ANKRD28: variants seen among roughly 807,000 people sequenced by gnomAD.
ANKRD28 encodes the protein serine/threonine-protein phosphatase 6 regulatory ankyrin repeat subunit A.
ANKRD28 carries 44 observed loss-of-function variants against 126.5 expected under a neutral mutation model. That is an observed-to-expected ratio of 0.35 (90% CI 0.27 to 0.45). ANKRD28 has a LOEUF of 0.45. Among genes scored for constraint, ANKRD28 ranks in the 20% least tolerant of loss-of-function variants. ANKRD28 has a pLI of 1.00. For synonymous variants in ANKRD28, 442 were observed against 468.5 expected, an observed-to-expected ratio of 0.94 and a Z score of 0.73; for missense variants, 1,110 against 1,316.6, an observed-to-expected ratio of 0.84 and a Z score of 2.43.
chr3:15,843,006 G>A lies in ANKRD28; in HGVS notation c.27+16371C>T, dbSNP rs917574815. 4.6e-5 allele frequency among the ~76,000 whole-genome samples: 7 copies of A among 152,114 alleles called. No homozygotes were observed. Among genetic ancestry groups the A allele is most frequent in the Admixed American group, 4.6e-4 (7 of 15,270 alleles). ...TTATCTGGTATATTAGACTGTTCTC[G>A]CCTTGCTATAAAGAAATATCCAAGA... is the stretch of plus-strand genomic sequence containing the variant. On this transcript the variant is annotated intron_variant, in intron 1 of 27. Transcript: ENST00000399451. This position sits in a 1 kb window ranked among gnomAD's most constrained non-coding sequence, Gnocchi z 5.2.
chr3:15,668,370 A>G lies in ANKRD28; in HGVS notation c.*1900T>C, dbSNP rs2066088233. The G allele has an allele frequency of 6.6e-6, 1 of 151,392 alleles. No homozygotes were observed. Among genetic ancestry groups the G allele is most frequent in the Non-Finnish European group, 1.5e-5 (1 of 67,840 alleles). The allele number at this position is 151,392 out of a possible 1,614,324, so 9.4% of individuals were successfully genotyped here. ...AATCTGCTTGATTTTTTTTTTTTTC[A>G]AAAGGTACAATAGAAAATGTAGTCC... is the stretch of plus-strand genomic sequence containing the variant. On this transcript the variant is annotated 3_prime_UTR_variant, in exon 28 of 28. Coordinates refer to ENST00000683139, the MANE Select transcript of ANKRD28 (RefSeq NM_001349278.2).
intron 1 of ANKRD28, among the ~76,000 whole-genome samples, chr3:15,808,500 C>T (rs2060637671): frequency 6.6e-6 from 1 of 152,186 alleles, no homozygotes; most frequent in Non-Finnish European, 1.5e-5. Context: ...TCTCTATGAT[C>T]TTTCATTTAT....
At chr3:15,753,765 A>G (rs1156492636) in intron 3 of ANKRD28, among the ~76,000 whole-genome samples, 1 of 152,126 alleles carries the variant, frequency 6.6e-6, no homozygotes, top group Non-Finnish European at 1.5e-5. Flanking sequence ...CAACATGGTG[A>G]AACCCTGCCT....
At chr3:15,779,821 C>T (rs1046365985) in intron 2 of ANKRD28, among the ~76,000 whole-genome samples, 1 of 152,150 alleles carries the variant, frequency 6.6e-6, no homozygotes, top group East Asian at 1.9e-4. Flanking sequence ...GCATCCTATT[C>T]TAAGTACTGA....
At chr3:15,823,751 AG>A (rs1398032078) in intron 1 of ANKRD28, among the ~76,000 whole-genome samples, 1 of 152,248 alleles carries the variant, frequency 6.6e-6, no homozygotes, top group Non-Finnish European at 1.5e-5. Flanking sequence ...CAGGAATGTA[AG>A]GGTGGTTGTA....
At chr3:15,671,215 A>G (rs922587584) in intron 27 of ANKRD28, among the ~76,000 whole-genome samples, 1 of 152,166 alleles carries the variant, frequency 6.6e-6, no homozygotes, top group Non-Finnish European at 1.5e-5. Flanking sequence ...CCTTTTTTTA[A>G]GCGGAAGACA....
intron 7 of ANKRD28, among the ~76,000 whole-genome samples, chr3:15,723,158 C>T (rs1274963432): frequency 6.6e-6 from 1 of 152,196 alleles, no homozygotes; most frequent in East Asian, 1.9e-4. Context: ...GATATTATTT[C>T]ACTCTGCTGA....
intron 14 of ANKRD28, among the ~76,000 whole-genome samples, chr3:15,702,536 G>A (rs184324796): frequency 1.1e-3 from 167 of 152,256 alleles, no homozygotes; most frequent in African/African-American, 3.9e-3. Flanking sequence ...TTTCCTCAAT[G>A]TTAGGCAAAT....
In ANKRD28 at chr3:15,817,395, C is replaced by T. The variant is rs190539371; in HGVS notation, c.28-22089G>A. On this transcript the variant is annotated intron_variant, in intron 1 of 27. Transcript: ENST00000399451. This position sits in a 1 kb window ranked among gnomAD's most constrained non-coding sequence, Gnocchi z 4.5. The stretch of plus-strand genomic sequence containing the variant: ...TCACAACATTAAGTTCCTAGAGCTA[C>T]CGGTAGGCACCATTTCTTATTGCTC... 2.6e-5 allele frequency among the ~76,000 whole-genome samples: 4 copies of T among 152,232 alleles called. No individual in the cohort carries two copies.
chr3:15,676,241 C>A (rs979992155), intron 26 of ANKRD28: 2 of 371,738 alleles, frequency 5.4e-6, no homozygotes, highest in African/African-American at 4.2e-5. Flanking sequence ...CCTACCTTCA[C>A]CCAATCCTTT....
chr3:15,734,191 G>T (rs372572858), intron 6 of ANKRD28, among the ~76,000 whole-genome samples: 149 of 152,332 alleles, frequency 9.8e-4, no homozygotes, highest in African/African-American at 3.5e-3. Flanking sequence ...AAGGATTTGG[G>T]TATAAGCAGG....
intron 17 of ANKRD28, among the ~76,000 whole-genome samples, chr3:15,691,259 G>A (rs1472077280): frequency 6.6e-6 from 1 of 152,112 alleles, no homozygotes; most frequent in Non-Finnish European, 1.5e-5. Context: ...GAGTAGCTGG[G>A]ATTACAGGCG....
chr3:15,796,992 C>T lies in ANKRD28; in HGVS notation c.-471G>A. The T allele has an allele frequency of 9.1e-6, 9 of 985,272 alleles. No individual in the cohort carries two copies. The highest frequency in any genetic ancestry group is 1.1e-5 in the Non-Finnish European group (9 of 829,892). The allele number at this position is 985,272 out of a possible 1,614,324, so 61.0% of individuals were successfully genotyped here. On this transcript the variant is annotated 5_prime_UTR_variant, in exon 1 of 28. It removes an upstream start codon present in the reference 5' UTR. Transcript: ENST00000683139. Reference sequence around the variant, plus strand: ...CGATACCCACTCTTGCCTGCAAGGTCATATAGTTACCAGTAGCTGTTTTGC... The same window carrying T: ...CGATACCCACTCTTGCCTGCAAGGTTATATAGTTACCAGTAGCTGTTTTGC...
At position 15,685,263 on chromosome 3, in the gene ANKRD28, A is replaced by G. The variant is rs2067979248; in HGVS notation, c.2352T>C (p.Asn784=). Residue 784 remains asparagine (N), a synonymous_variant, in exon 21 of 28, where the codon AAT becomes AAC. Transcript: ENST00000683139. ...CCCAGTGAAGTGCCGTATATCCATG[A>G]TTGTCTGCTGTGGCTGGATTTGCAT... The part of the protein sequence containing the change: ...SMDANPATAD[N]HGYTALHWAC... 3 of 1,613,896 alleles carry G rather than the reference A, an allele frequency of 1.9e-6. No homozygotes were observed. In the East Asian group the frequency reaches 6.7e-5, roughly 36 times the overall value.
chr3:15,763,024 C>T (rs1247672489), intron 3 of ANKRD28, among the ~76,000 whole-genome samples: 1 of 152,196 alleles, frequency 6.6e-6, no homozygotes, highest in Admixed American at 6.5e-5. Context: ...CTCATGGCAA[C>T]ACAAAGCCTG....
At chr3:15,850,259 A>AGAGAGAGAGAGAGAGG (rs1370551633) in intron 1 of ANKRD28, among the ~76,000 whole-genome samples, 2 of 115,740 alleles carry the variant, frequency 1.7e-5, no homozygotes, top group Non-Finnish European at 3.5e-5. Flanking sequence ...AGAGAGAGAG[A>AGAGAGAGAGAGAGAGG]GAGAAAGTTG....
Position 15,839,071 on chromosome 3 carries a change from C to T in ANKRD28, c.27+20306G>A, listed in dbSNP as rs2061381006. Among the ~76,000 whole-genome samples the T allele has an allele frequency of 6.6e-6, 1 of 152,054 alleles. No individual in the cohort carries two copies. The highest frequency in any genetic ancestry group is 1.5e-5 in the Non-Finnish European group (1 of 68,016). On this transcript the variant is annotated intron_variant, in intron 1 of 27. Transcript: ENST00000399451. The surrounding 1 kb of genome is among the most constrained non-coding windows in gnomAD (Gnocchi z 4.3). ...GTCCATAAAAGTTTATAAAATAAAACCATTATTCAATGGTGGCCTGGGGCT... is the reference window on the plus strand; with the variant it reads ...GTCCATAAAAGTTTATAAAATAAAATCATTATTCAATGGTGGCCTGGGGCT...
Position 15,796,538 on chromosome 3 carries a change from C to T in ANKRD28, c.-17G>A. On this transcript the variant is annotated 5_prime_UTR_variant, in exon 1 of 28. The change creates a new upstream start codon in the 5' untranslated region. Transcript: ENST00000683139. ...TCGACTCATTCGATCTTTTAAAACA[C>T]TAAATTCCAAGCTATGTGATAAAAG... 5.5e-6 allele frequency: 7 copies of T among 1,275,794 alleles called. No individual in the cohort carries two copies. The highest frequency in any genetic ancestry group is 5.1e-6 in the Non-Finnish European group (5 of 980,378). 79.0% of individuals were successfully genotyped at this position (1,275,794 alleles called of 1,614,324 possible).
At chr3:15,837,665 A>G (rs1282838203) in intron 1 of ANKRD28, among the ~76,000 whole-genome samples, 1 of 152,146 alleles carries the variant, frequency 6.6e-6, no homozygotes. Flanking sequence ...AGGGAAAATT[A>G]TAGCTGGGCA....
Sources: allele counts gnomAD v4.1 joint callset (sites outside exome capture counted in the v4.1 genomes callset), GRCh38; gene constraint gnomAD v4.1.1; non-coding constraint Gnocchi (gnomAD v3.1); transcripts MANE v1.5; gene names NCBI Gene and HGNC (gene_info 2026-07-23, HGNC 2026-07-21).